ADGRL2: variants seen among roughly 807,000 people sequenced by gnomAD.
ADGRL2 encodes calcium-independent alpha-latrotoxin receptor 2.
A neutral mutation model predicts 157.4 loss-of-function variants in ADGRL2; 44 were observed. The observed-to-expected ratio is 0.28, with a 90% CI of 0.22 to 0.36. ADGRL2 has a LOEUF of 0.36. Ranked by LOEUF, ADGRL2 falls within the 10% of genes least tolerant of loss-of-function variation. The pLI is 1.00. For synonymous variants in ADGRL2, 585 were observed against 624.7 expected (o/e 0.94, Z 0.95); for missense variants, 1,510 against 1,768.9 (o/e 0.85, Z 2.63).
At chr1:81,436,322 T>C (rs1305290014) in intron 1 of ADGRL2, among the ~76,000 whole-genome samples, 1 of 152,122 alleles carries the variant, frequency 6.6e-6, no homozygotes, top group African/African-American at 2.4e-5. Flanking sequence ...GACTTACAAA[T>C]ATAGGACTCA....
chr1:81,613,241 A>G (rs1189526963), intron 3 of ADGRL2, among the ~76,000 whole-genome samples: 1 of 152,168 alleles, frequency 6.6e-6, no homozygotes, highest in Non-Finnish European at 1.5e-5. Flanking sequence ...TGCATGTAAA[A>G]CACATAGCAC....
intron 1 of ADGRL2, chr1:81,722,013 C>G (rs1461291910): frequency 2.1e-6 from 1 of 481,694 alleles, no homozygotes; most frequent in Non-Finnish European, 3.9e-6. Context: ...AGAGATAGGA[C>G]CAGGCGCGGT....
At chr1:81,691,313 G>A (rs2083327739) in intron 3 of ADGRL2, among the ~76,000 whole-genome samples, 1 of 141,042 alleles carries the variant, frequency 7.1e-6, no homozygotes, top group Admixed American at 7.6e-5. Flanking sequence ...ATTGGTATCA[G>A]TTCTGCTTGT....
At chr1:81,557,995 G>A (rs2080353152) in intron 2 of ADGRL2, among the ~76,000 whole-genome samples, 1 of 152,142 alleles carries the variant, frequency 6.6e-6, no homozygotes, top group South Asian at 2.1e-4. Flanking sequence ...ATATTTATAC[G>A]GTAATGAAAT....
chr1:81,714,599 C>T (rs1334605698), intron 1 of ADGRL2, among the ~76,000 whole-genome samples: 1 of 152,022 alleles, frequency 6.6e-6, no homozygotes, highest in African/African-American at 2.4e-5. Flanking sequence ...AAGTCAGGCA[C>T]AAAACTCTAA....
At chr1:81,557,762 T>C (rs1459990916) in intron 2 of ADGRL2, 1 of 148,526 alleles carries the variant, frequency 6.7e-6, no homozygotes, top group African/African-American at 2.6e-5. Flanking sequence ...AGAAGCGAAG[T>C]CTGGCCCCGG....
intron 1 of ADGRL2, among the ~76,000 whole-genome samples, chr1:81,718,084 A>G (rs1331480203): frequency 1.3e-5 from 2 of 152,172 alleles, no homozygotes; most frequent in Admixed American, 6.6e-5. Context: ...CAGTGGTGCC[A>G]TCTCGGCTCA....
chr1:81,625,380 A>G (rs1189256789), intron 3 of ADGRL2, among the ~76,000 whole-genome samples: 2 of 152,162 alleles, frequency 1.3e-5, no homozygotes, highest in African/African-American at 4.8e-5. Flanking sequence ...TTAACACGTG[A>G]CAAAGAGAAA....
At chr1:81,476,106 T>G (rs2078265984) in intron 2 of ADGRL2, among the ~76,000 whole-genome samples, 1 of 150,568 alleles carries the variant, frequency 6.6e-6, no homozygotes, top group Non-Finnish European at 1.5e-5. Context: ...GCCTTCACAC[T>G]AGACACTTAA....
chr1:81,467,883 T>G (rs1236861791), intron 2 of ADGRL2, among the ~76,000 whole-genome samples: 1 of 152,014 alleles, frequency 6.6e-6, no homozygotes, highest in African/African-American at 2.4e-5. Context: ...GAAGTATAAA[T>G]TAATCTTTTC....
At chr1:81,909,915 A>G (rs2148374650) in intron 3 of ADGRL2, among the ~76,000 whole-genome samples, 1 of 152,190 alleles carries the variant, frequency 6.6e-6, no homozygotes, top group African/African-American at 2.4e-5. Context: ...GGTGTTAAAG[A>G]TGGTTATAAA....
At chr1:81,611,522 A>C (rs2081540123) in intron 3 of ADGRL2, among the ~76,000 whole-genome samples, 1 of 152,246 alleles carries the variant, frequency 6.6e-6, no homozygotes, top group Non-Finnish European at 1.5e-5. Flanking sequence ...ACTCACTGAG[A>C]CTACTATGTG....
intron 1 of ADGRL2, among the ~76,000 whole-genome samples, chr1:81,337,312 C>A (rs1468509944): frequency 6.6e-6 from 1 of 151,656 alleles, no homozygotes; most frequent in Non-Finnish European, 1.5e-5. Flanking sequence ...CGCACTGGAA[C>A]ACACACCCTC....
intron 3 of ADGRL2, among the ~76,000 whole-genome samples, chr1:81,608,326 C>T (rs1438598283): frequency 3.3e-5 from 5 of 152,064 alleles, no homozygotes; most frequent in Non-Finnish European, 7.4e-5. Flanking sequence ...ATGAGGCATC[C>T]GGGAAGGGAA....
intron 2 of ADGRL2, among the ~76,000 whole-genome samples, chr1:81,890,517 A>G (rs1423720108): frequency 6.6e-6 from 1 of 152,112 alleles, no homozygotes; most frequent in Admixed American, 6.6e-5. Flanking sequence ...AGAAACTTGG[A>G]CTAAGTTGGG....
At chr1:81,599,785 T>C (rs1350209381) in intron 3 of ADGRL2, among the ~76,000 whole-genome samples, 1 of 152,172 alleles carries the variant, frequency 6.6e-6, no homozygotes, top group East Asian at 1.9e-4. Context: ...TTAAGTGATG[T>C]CCATTTAGGT....
intron 1 of ADGRL2, among the ~76,000 whole-genome samples, chr1:81,320,876 C>T (rs576155963): frequency 1.3e-5 from 2 of 152,296 alleles, no homozygotes; most frequent in Non-Finnish European, 2.9e-5. Context: ...TCATCAGTTG[C>T]TTTAGCCTCT....
intron 1 of ADGRL2, among the ~76,000 whole-genome samples, chr1:81,377,044 T>G (rs11163266): frequency 0.3 from 46,158 of 152,008 alleles, 7,887 homozygotes; most frequent in Non-Finnish European, 0.39. Context: ...TTTTTTTTAA[T>G]TAGCTGGGCA....
rs1256342864 is a variant in ADGRL2 at position 81,950,469 on chromosome 1, T to C, written c.1491T>C (p.Pro497=). ...GAATGATGGTTGAACGACCATGCCC[T>C]AAGGGAACAAGAGGTATTTTCTATA... is the stretch of plus-strand genomic sequence containing the variant. ...QRGMMVERPC[P]KGTRGTASYL... is the part of the protein sequence containing the mutation. Residue 497 remains proline (P), a synonymous_variant, in exon 7 of 24, where the codon CCT becomes CCC. Coordinates refer to ENST00000686636, the MANE Select transcript of ADGRL2 (RefSeq NM_001366006.2). The C allele has an allele frequency of 6.2e-7, 1 of 1,613,158 alleles. No homozygotes were observed.
Sources: allele counts gnomAD v4.1 joint callset (sites outside exome capture counted in the v4.1 genomes callset), GRCh38; gene constraint gnomAD v4.1.1; transcripts MANE v1.5; gene names NCBI Gene and HGNC (gene_info 2026-07-23, HGNC 2026-07-21).